TMEM184C: variants seen among roughly 807,000 people sequenced by gnomAD.
TMEM184C encodes transmembrane protein 184C, also known as transmembrane protein 34.
Under a neutral mutation model 54.5 loss-of-function variants are expected in TMEM184C, and 25 were observed. That is an observed-to-expected ratio of 0.46 (90% CI 0.33 to 0.64). TMEM184C has a LOEUF of 0.64. Among genes scored for constraint, TMEM184C ranks in the 30% least tolerant of loss-of-function variants. The pLI is 0.02. For synonymous variants in TMEM184C, 148 were observed against 181.5 expected (o/e 0.82, Z 1.49); for missense variants, 335 against 520.3 (o/e 0.64, Z 3.46).
At position 147,617,793 on chromosome 4, in the gene TMEM184C, G is replaced by GAC. The variant is rs1002947492; in HGVS notation, c.-160_-159dup. 2.2e-6 allele frequency: 2 copies of GAC among 893,880 alleles called. No individual in the cohort carries two copies. Among genetic ancestry groups the GAC allele is most frequent in the Non-Finnish European group, 1.8e-6 (1 of 563,408 alleles). The allele number at this position is 893,880 out of a possible 1,614,324, so 55.4% of individuals were successfully genotyped here. A position where few individuals can be genotyped will look rare whatever the true frequency, so the allele number is the denominator to read the frequency against. Reference sequence around the variant, plus strand: ...ATTTGCAGAAGCAGCAGCAGCAGAAGACACAGCGCCGGTCCAGGAGGCGGC... The same window carrying GAC: ...ATTTGCAGAAGCAGCAGCAGCAGAAGACACACAGCGCCGGTCCAGGAGGCGGC... On this transcript the variant is annotated 5_prime_UTR_variant, in exon 1 of 10. The change abolishes the stop of an existing upstream ORF in the 5' untranslated region. Transcript: ENST00000296582.
intron 1 of TMEM184C, among the ~76,000 whole-genome samples, chr4:147,619,689 A>G (rs1392068643): frequency 2.0e-5 from 3 of 152,246 alleles, no homozygotes; most frequent in Non-Finnish European, 4.4e-5. Flanking sequence ...AATAATATGC[A>G]TAATATCAGT....
At chr4:147,618,160 C>A in intron 1 of TMEM184C, 81 bp downstream of exon 1, 1 of 1,587,014 alleles carries the variant, frequency 6.3e-7, no homozygotes, top group Non-Finnish European at 8.6e-7. Context: ...TACCCCATTT[C>A]TGCCCTGACA....
At chr4:147,632,726 G>T (rs1732938713) in intron 7 of TMEM184C, 177 bp from the exon 8 acceptor site, 2 of 520,464 alleles carry the variant, frequency 3.8e-6, no homozygotes, top group Non-Finnish European at 6.8e-6. Context: ...CTAGAAAAAT[G>T]AATTTGTAAA....
At chr4:147,631,236 G>A (rs1396681105) in intron 6 of TMEM184C, among the ~76,000 whole-genome samples, 157 bp from the exon 7 acceptor site, 1 of 152,066 alleles carries the variant, frequency 6.6e-6, no homozygotes, top group Non-Finnish European at 1.5e-5. Flanking sequence ...TTCATCTATA[G>A]TAAACTATGA....
In TMEM184C at chr4:147,629,293, A is replaced by T. The variant is rs116204957; in HGVS notation, c.573-306A>T. Among the ~76,000 whole-genome samples the T allele has an allele frequency of 0.018, 2,766 of 151,876 alleles. 97 individuals carry two copies. The highest frequency in any genetic ancestry group is 0.064 in the African/African-American group (2,646 of 41,448). On this transcript the variant is annotated intron_variant, in intron 5 of 9. Transcript: ENST00000296582. ...TTAGACAGCATAGTTGTTTTTTTTT[A>T]AATTTAGTACTCTTTCTAGTTAAGT...
chr4:147,624,819 T>C lies in TMEM184C; in HGVS notation c.307T>C (p.Tyr103His). 6.2e-7 allele frequency: 1 copy of C among 1,613,698 alleles called. No individual in the cohort carries two copies. Among genetic ancestry groups the C allele is most frequent in the South Asian group, 1.1e-5 (1 of 91,070 alleles). ...YSLDSWIALK[Y>H]PGIAIYVDTC... Reference sequence around the variant, plus strand: ...TTTTTCATAGTGGATAGCTTTGAAATATCCCGGAATTGCAATATATGTGGA... The same window carrying C: ...TTTTTCATAGTGGATAGCTTTGAAACATCCCGGAATTGCAATATATGTGGA... The change falls in exon 4 of 10, where the codon TAT (tyrosine) becomes CAT (histidine). Residue 103 changes from tyrosine (Y) to histidine (H), a missense_variant. By Grantham distance (83) the Tyr-to-His change is moderately conservative. Transcript: ENST00000296582.
intron 8 of TMEM184C, 103 bp from the exon 9 acceptor site, chr4:147,633,662 C>G (rs1364327188): frequency 2.1e-6 from 2 of 940,970 alleles, no homozygotes; most frequent in Non-Finnish European, 2.9e-6. Flanking sequence ...AAAAACACAG[C>G]TGTTTATCTT....
Position 147,633,751 on chromosome 4 carries a change from T to C in TMEM184C, c.880-14T>C. ...AATCCAAAGGTGGCTGTTATCTTAT[T>C]GTTGTTCTCATAGGATTTTATTATC... is the stretch of plus-strand genomic sequence containing the variant. On this transcript the variant is annotated splice_polypyrimidine_tract_variant and intron_variant, in intron 8 of 9. Coordinates refer to ENST00000296582, the MANE Select transcript of TMEM184C (RefSeq NM_018241.3). 1 of 1,542,640 alleles carries C rather than the reference T, an allele frequency of 6.5e-7. No homozygotes were observed. Among genetic ancestry groups the C allele is most frequent in the Non-Finnish European group, 8.8e-7 (1 of 1,141,622 alleles).
chr4:147,635,570 T>G lies in TMEM184C; in HGVS notation c.*1136T>G, dbSNP rs901086847. ...ATGTTACAGAAAGCAAAGATGAGTATTGTTTCTCAAAGCCTTTGCTTTATG... is the reference window on the plus strand; with the variant it reads ...ATGTTACAGAAAGCAAAGATGAGTAGTGTTTCTCAAAGCCTTTGCTTTATG... On this transcript the variant is annotated 3_prime_UTR_variant, in exon 10 of 10. Transcript: ENST00000296582. 1.1e-4 allele frequency: 16 copies of G among 152,238 alleles called. No homozygotes were observed. The highest frequency in any genetic ancestry group is 3.9e-4 in the African/African-American group (16 of 41,466). The allele number at this position is 152,238 out of a possible 1,614,324, so 9.4% of individuals were successfully genotyped here.
chr4:147,629,286 T>G (rs1732868562), intron 5 of TMEM184C, among the ~76,000 whole-genome samples: 1 of 152,124 alleles, frequency 6.6e-6, no homozygotes, highest in Non-Finnish European at 1.5e-5. Context: ...CATAGTTGTT[T>G]TTTTTTAAAT....
Position 147,617,740 on chromosome 4 carries a change from G to C in TMEM184C, c.-217G>C, listed in dbSNP as rs1732623957. ...GAGAAGAAAGGATGTTGCCTGCACTGCTCGCCAATAGCACCCTGAGAGGCT... is the reference window on the plus strand; with the variant it reads ...GAGAAGAAAGGATGTTGCCTGCACTCCTCGCCAATAGCACCCTGAGAGGCT... On this transcript the variant is annotated 5_prime_UTR_variant, in exon 1 of 10. Transcript: ENST00000296582. 1 of 554,556 alleles carries C rather than the reference G, an allele frequency of 1.8e-6. No homozygotes were observed. The highest frequency in any genetic ancestry group is 1.9e-5 in the African/African-American group (1 of 52,918). 34.4% of individuals were successfully genotyped at this position (554,556 alleles called of 1,614,324 possible). A position where few individuals can be genotyped will look rare whatever the true frequency, so the allele number is the denominator to read the frequency against.
chr4:147,634,149 C>T lies in TMEM184C; in HGVS notation c.1052-20C>T. 1.3e-6 allele frequency: 2 copies of T among 1,599,432 alleles called. No homozygotes were observed. Among genetic ancestry groups the T allele is most frequent in the East Asian group, 2.2e-5 (1 of 44,762 alleles). ...AATGGTAAAAATAACTTTTGACTAACAGAAAACTTTATATTAAAGGACGGA... is the reference window on the plus strand; with the variant it reads ...AATGGTAAAAATAACTTTTGACTAATAGAAAACTTTATATTAAAGGACGGA... On this transcript the variant is annotated intron_variant, in intron 9 of 9. Coordinates refer to ENST00000296582, the MANE Select transcript of TMEM184C (RefSeq NM_018241.3).
chr4:147,625,072 A>G, intron 4 of TMEM184C, 63 bp downstream of exon 4: 1 of 1,506,092 alleles, frequency 6.6e-7, no homozygotes, highest in South Asian at 1.2e-5. Context: ...GTTTTTAAGT[A>G]GCAATCAGCT....
chr4:147,631,979 A>C (rs896024181), intron 7 of TMEM184C, among the ~76,000 whole-genome samples: 1 of 152,154 alleles, frequency 6.6e-6, no homozygotes, highest in Admixed American at 6.5e-5. Flanking sequence ...TGGGAGTTCC[A>C]GACTAGCCTG....
chr4:147,636,600 C>CAACAAA lies in TMEM184C; in HGVS notation c.*2179_*2184dup, dbSNP rs1023575072. On this transcript the variant is annotated 3_prime_UTR_variant, in exon 10 of 10. Coordinates refer to ENST00000296582, the MANE Select transcript of TMEM184C (RefSeq NM_018241.3). ...TTGGATATCACACCAAAAGCTCAGT[C>CAACAAA]AACAAAAACAAAAACAAATGTGACT... The CAACAAA allele has an allele frequency of 6.6e-6, 1 of 152,094 alleles. No individual in the cohort carries two copies. Among genetic ancestry groups the CAACAAA allele is most frequent in the Non-Finnish European group, 1.5e-5 (1 of 67,940 alleles). The allele number at this position is 152,094 out of a possible 1,614,324, so 9.4% of individuals were successfully genotyped here.
chr4:147,626,054 A>G (rs1330800883), intron 4 of TMEM184C, among the ~76,000 whole-genome samples: 1 of 152,116 alleles, frequency 6.6e-6, no homozygotes, highest in Non-Finnish European at 1.5e-5. Context: ...ACAAGGTGAG[A>G]TGAGCCCGTT....
intron 1 of TMEM184C, among the ~76,000 whole-genome samples, chr4:147,619,232 C>T (rs1367892976): frequency 6.6e-6 from 1 of 151,406 alleles, no homozygotes; most frequent in Non-Finnish European, 1.5e-5. Flanking sequence ...GAGTCTAGCT[C>T]TGTCGCCCTG....
At chr4:147,627,247 T>C (rs1233840887) in intron 4 of TMEM184C, among the ~76,000 whole-genome samples, 3 of 152,126 alleles carry the variant, frequency 2.0e-5, no homozygotes, top group Non-Finnish European at 4.4e-5. Context: ...AAACCATTTA[T>C]AGGATATTAT....
Position 147,635,748 on chromosome 4 carries a change from C to T in TMEM184C, c.*1314C>T, listed in dbSNP as rs531732181. On this transcript the variant is annotated 3_prime_UTR_variant, in exon 10 of 10. Transcript: ENST00000296582. ...TATGTAAAAACCCCAAAGATACACACACAAAAAAAATCTGTTTGTTAGAAC... is the reference window on the plus strand; with the variant it reads ...TATGTAAAAACCCCAAAGATACACATACAAAAAAAATCTGTTTGTTAGAAC... The T allele has an allele frequency of 6.6e-6, 1 of 151,916 alleles. No homozygotes were observed. Among genetic ancestry groups the T allele is most frequent in the Admixed American group, 6.6e-5 (1 of 15,252 alleles). The allele number at this position is 151,916 out of a possible 1,614,324, so 9.4% of individuals were successfully genotyped here.
Sources: allele counts gnomAD v4.1 joint callset (sites outside exome capture counted in the v4.1 genomes callset), GRCh38; gene constraint gnomAD v4.1.1; transcripts MANE v1.5; gene names NCBI Gene and HGNC (gene_info 2026-07-23, HGNC 2026-07-21).